The following GABRA2 variants were observed in gnomAD, a reference collection of about 807,000 sequenced individuals.
GABRA2 encodes the protein gamma-aminobutyric acid receptor subunit alpha-2.
GABRA2 carries 16 observed loss-of-function variants against 48.7 expected under a neutral mutation model. The ratio of observed to expected loss-of-function variants is 0.33; its 90% CI spans 0.22 to 0.50. GABRA2 has a LOEUF of 0.50. GABRA2 is among the 20% of genes least tolerant of loss of function. GABRA2 has a pLI of 0.98. For missense variants in GABRA2, 275 were observed against 535.6 expected (o/e 0.51, Z 4.80); for synonymous variants, 185 against 184.5 (o/e 1.00, Z -0.02).
Position 46,379,418 on chromosome 4 carries a change from G to C in GABRA2, c.187+6656C>G, listed in dbSNP as rs191832288. Among the ~76,000 whole-genome samples the C allele has an allele frequency of 2.6e-3, 396 of 152,162 alleles. 2 individuals are homozygous for C. Among genetic ancestry groups the C allele is most frequent in the South Asian group, 4.4e-3 (21 of 4,814 alleles). On this transcript the variant is annotated intron_variant, in intron 3 of 9. Coordinates refer to ENST00000381620, the MANE Select transcript of GABRA2 (RefSeq NM_000807.4). ...CCACAAAGTAAATTTAAATAAATAG[G>C]AAATGACAAATAACTTGATATCAGT...
At chr4:46,324,223 C>T (rs1729941151) in intron 4 of GABRA2, among the ~76,000 whole-genome samples, 1 of 151,958 alleles carries the variant, frequency 6.6e-6, no homozygotes, top group African/African-American at 2.4e-5. Context: ...ATAGATGACA[C>T]AATGTTCCCT....
At chr4:46,294,839 A>C (rs183393172) in intron 8 of GABRA2, among the ~76,000 whole-genome samples, 1 of 152,328 alleles carries the variant, frequency 6.6e-6, no homozygotes, top group East Asian at 1.9e-4. Flanking sequence ...TGCAACCTGA[A>C]CTATAATGAA....
At chr4:46,266,978 C>A (rs1195555448) in intron 8 of GABRA2, among the ~76,000 whole-genome samples, 1 of 152,022 alleles carries the variant, frequency 6.6e-6, no homozygotes, top group East Asian at 1.9e-4. Flanking sequence ...CCATCCTCGG[C>A]CTCCCAAAGT....
intron 8 of GABRA2, among the ~76,000 whole-genome samples, chr4:46,273,504 T>TGC (rs1193376159): frequency 1.8e-3 from 36 of 19,980 alleles, no homozygotes; most frequent in African/African-American, 7.0e-3. Flanking sequence ...TATATATGCA[T>TGC]ATATATATAT....
At chr4:46,367,894 G>T (rs897138499) in intron 3 of GABRA2, 6 of 152,096 alleles carry the variant, frequency 3.9e-5, no homozygotes, top group Non-Finnish European at 8.8e-5. Flanking sequence ...AAATGGTAGG[G>T]TTGCACTTCC....
At chr4:46,283,498 A>T in intron 8 of GABRA2, among the ~76,000 whole-genome samples, 1 of 152,242 alleles carries the variant, frequency 6.6e-6, no homozygotes, top group Non-Finnish European at 1.5e-5. Flanking sequence ...AGTATTATGC[A>T]TTCAAACAAC....
intron 3 of GABRA2, among the ~76,000 whole-genome samples, chr4:46,378,506 G>A (rs998984946): frequency 2.0e-5 from 3 of 151,792 alleles, no homozygotes; most frequent in African/African-American, 7.3e-5. Flanking sequence ...CAAGTACCCA[G>A]GGACACAAAC....
intron 8 of GABRA2, 169 bp downstream of exon 8, chr4:46,303,291 T>C: frequency 1.6e-6 from 1 of 637,340 alleles, no homozygotes; most frequent in South Asian, 1.9e-5. Context: ...TTATTAACAG[T>C]GTAGCACTAT....
intron 3 of GABRA2, among the ~76,000 whole-genome samples, chr4:46,370,187 A>G (rs1212191698): frequency 6.6e-6 from 1 of 150,950 alleles, no homozygotes; most frequent in East Asian, 1.9e-4. Context: ...AGCAAAGCTG[A>G]AAAAAAAAGC....
At chr4:46,332,151 A>C (rs556052795) in intron 4 of GABRA2, among the ~76,000 whole-genome samples, 1 of 152,270 alleles carries the variant, frequency 6.6e-6, no homozygotes, top group South Asian at 2.1e-4. Context: ...GTATGTATGT[A>C]GATAGCATAA....
intron 3 of GABRA2, among the ~76,000 whole-genome samples, chr4:46,354,508 A>C (rs1735659897): frequency 6.6e-6 from 1 of 152,136 alleles, no homozygotes; most frequent in African/African-American, 2.4e-5. Flanking sequence ...GGTGAATTTT[A>C]ATTGGTTATC....
At chr4:46,305,428 AC>A (rs1463709957) in intron 7 of GABRA2, 139 bp downstream of exon 7, 13 of 688,028 alleles carry the variant, frequency 1.9e-5, no homozygotes, top group Non-Finnish European at 2.9e-5. Flanking sequence ...AAAAAAAAAA[AC>A]AAGCTCCCAA....
intron 1 of GABRA2, chr4:46,388,959 C>G (rs201268452): frequency 1.6e-6 from 2 of 1,278,744 alleles, no homozygotes; most frequent in Non-Finnish European, 2.0e-6. Flanking sequence ...TCTTTAACAG[C>G]AAGATGACCA....
At chr4:46,285,341 T>TTA (rs1722351767) in intron 8 of GABRA2, among the ~76,000 whole-genome samples, 4 of 152,032 alleles carry the variant, frequency 2.6e-5, no homozygotes, top group Admixed American at 2.0e-4. Context: ...ATTTTTTATT[T>TTA]TATATATATT....
chr4:46,369,049 T>A (rs190526796), intron 3 of GABRA2: 6 of 695,494 alleles, frequency 8.6e-6, no homozygotes. Flanking sequence ...GCAAAATAAT[T>A]ACATAATCAA....
chr4:46,330,591 T>TATATAG (rs1411755120), intron 4 of GABRA2, among the ~76,000 whole-genome samples: 133 of 122,684 alleles, frequency 1.1e-3, no homozygotes, highest in African/African-American at 1.2e-3. Context: ...TATATATATA[T>TATATAG]AGAGAGAGAG....
intron 3 of GABRA2, among the ~76,000 whole-genome samples, chr4:46,370,978 C>T (rs1047722877): frequency 2.6e-5 from 4 of 152,006 alleles, no homozygotes; most frequent in Non-Finnish European, 5.9e-5. Flanking sequence ...GAACTACAGT[C>T]CTCTCATACT....
chr4:46,315,297 C>T (rs551429506), intron 4 of GABRA2, among the ~76,000 whole-genome samples: 1 of 151,872 alleles, frequency 6.6e-6, no homozygotes, highest in Non-Finnish European at 1.5e-5. Context: ...TATGCAGTGT[C>T]TGTTCATGTC....
intron 5 of GABRA2, among the ~76,000 whole-genome samples, chr4:46,310,966 A>C (rs771955370): frequency 2.6e-5 from 4 of 152,198 alleles, no homozygotes; most frequent in Non-Finnish European, 5.9e-5. Flanking sequence ...AGCAGGTACT[A>C]AATAAAATTT....
Sources: gnomAD v4.1 joint callset for allele counts (sites outside exome capture counted in the v4.1 genomes callset) on GRCh38, gnomAD v4.1.1 for gene constraint, MANE v1.5 for transcripts, NCBI Gene and HGNC (gene_info 2026-07-23, HGNC 2026-07-21) for gene names.